Variants in KRT73 observed in about 807,000 individuals in gnomAD.
KRT73 encodes keratin, type II cytoskeletal 73.
In KRT73, 44 loss-of-function variants were observed where a neutral mutation model predicts 47.2. That is an observed-to-expected ratio of 0.93 (90% CI 0.73 to 1.20). KRT73 has a LOEUF of 1.20. Ranked by LOEUF, KRT73 falls within the 50% of genes most tolerant of loss-of-function variation. KRT73 has a pLI of 0.00. For synonymous variants in KRT73, 285 were observed against 291.3 expected (o/e 0.98, Z 0.22); for missense variants, 713 against 704.5 (o/e 1.01, Z -0.14).
Position 52,609,189 on chromosome 12 carries a change from C to T in KRT73, c.1366+58G>A, listed in dbSNP as rs7963082. 4,566 of 1,507,798 alleles carry T rather than the reference C, an allele frequency of 3.0e-3. 88 individuals carry two copies. In the African/African-American group the frequency reaches 0.053, roughly 18 times the overall value. The allele number at this position is 1,507,798 out of a possible 1,614,324, so 93.4% of individuals were successfully genotyped here. On this transcript the variant is annotated intron_variant, in intron 8 of 8. Coordinates refer to ENST00000305748, the MANE Select transcript of KRT73 (RefSeq NM_175068.3). ...CAGGGGGCTGGGCGGTGGACACCCA[C>T]CCACTTTGTGTTTGTTGATGGACTA...
chr12:52,614,958 A>G (rs1298483077), intron 3 of KRT73: 2 of 529,206 alleles, frequency 3.8e-6, no homozygotes, highest in Non-Finnish European at 6.7e-6. Flanking sequence ...GGAGGCAAGG[A>G]CAGCCACGGC....
At chr12:52,627,010 C>T in the KRT73 span, among the ~76,000 whole-genome samples, 28 of 152,346 alleles carry the variant, frequency 1.8e-4, no homozygotes, top group South Asian at 5.8e-3. Flanking sequence ...TTCTTATGCT[C>T]TTGTCAATCT....
the KRT73 span, among the ~76,000 whole-genome samples, chr12:52,627,528 C>T: frequency 7.9e-5 from 12 of 152,190 alleles, no homozygotes; most frequent in Admixed American, 7.9e-4. Flanking sequence ...ACTCCAAGTG[C>T]AGTGCTGGAC....
chr12:52,615,410 G>A lies in KRT73; in HGVS notation c.663-71C>T, dbSNP rs994415068. The A allele has an allele frequency of 4.0e-6, 5 of 1,234,588 alleles. No individual in the cohort carries two copies. The African/African-American group carries it at 7.4e-5, about 18-fold the overall frequency. 76.5% of individuals were successfully genotyped at this position (1,234,588 alleles called of 1,614,324 possible). A position where few individuals can be genotyped will look rare whatever the true frequency, so the allele number is the denominator to read the frequency against. Reference sequence around the variant, plus strand: ...TGTGTATACGTTCTCATAGTGAAATGAGAAAAGAGATACCCATATTATATG... The same window carrying A: ...TGTGTATACGTTCTCATAGTGAAATAAGAAAAGAGATACCCATATTATATG... On this transcript the variant is annotated intron_variant, in intron 2 of 8. Transcript: ENST00000305748.
the KRT73 span, among the ~76,000 whole-genome samples, chr12:52,626,403 T>G: frequency 6.6e-6 from 1 of 152,226 alleles, no homozygotes; most frequent in Non-Finnish European, 1.5e-5. Context: ...CCTGAGATTC[T>G]TATTGAAAAG....
chr12:52,609,245 A>T lies in KRT73; in HGVS notation c.1366+2T>A. 1 of 1,613,482 alleles carries T rather than the reference A, an allele frequency of 6.2e-7. No individual in the cohort carries two copies. Among genetic ancestry groups the T allele is most frequent in the Middle Eastern group, 1.7e-4 (1 of 6,058 alleles). Reference sequence around the variant, plus strand: ...ATTCCCTCAGAGTCATGAAATACTCACAAATGCTCACGGAGTTGGTATATT... The same window carrying T: ...ATTCCCTCAGAGTCATGAAATACTCTCAAATGCTCACGGAGTTGGTATATT... On this transcript the variant is annotated splice_donor_variant, in intron 8 of 8. Transcript: ENST00000305748. LOFTEE classifies it high-confidence loss of function.
intron 4 of KRT73, chr12:52,614,182 G>A (rs1940762687): frequency 8.8e-6 from 3 of 341,486 alleles, no homozygotes; most frequent in East Asian, 5.6e-5. Context: ...TGGCCAATAG[G>A]TTGAGGCTTG....
At chr12:52,622,424 C>G (rs979272643), upstream of KRT73, among the ~76,000 whole-genome samples, 2 of 152,164 alleles carry the variant, frequency 1.3e-5, no homozygotes, top group African/African-American at 4.8e-5. Flanking sequence ...ACCCCCTCTC[C>G]TCCCCATATA....
upstream of KRT73, among the ~76,000 whole-genome samples, chr12:52,623,110 C>T (rs141388851): frequency 4.8e-4 from 73 of 152,238 alleles, no homozygotes; most frequent in African/African-American, 1.6e-3. Flanking sequence ...TGGCAAAAGA[C>T]GTAAACCCAC....
upstream of KRT73, among the ~76,000 whole-genome samples, chr12:52,619,761 T>C (rs1940872456): frequency 2.6e-5 from 4 of 152,154 alleles, no homozygotes; most frequent in African/African-American, 9.7e-5. Context: ...CATGGATCCT[T>C]GACATTGCCA....
At chr12:52,616,531 C>T (rs951021235) in intron 1 of KRT73, 151 bp from the exon 2 acceptor site, 30 of 937,936 alleles carry the variant, frequency 3.2e-5, no homozygotes, top group Non-Finnish European at 4.7e-5. Flanking sequence ...CACACCCCCA[C>T]TCCTTACCTA....
At chr12:52,627,984 A>C in the KRT73 span, among the ~76,000 whole-genome samples, 2 of 152,172 alleles carry the variant, frequency 1.3e-5, no homozygotes, top group African/African-American at 2.4e-5. Flanking sequence ...TACTCAGGGA[A>C]GATCTTATTA....
chr12:52,611,145 G>T, intron 6 of KRT73, 59 bp downstream of exon 6: 2 of 1,598,172 alleles, frequency 1.3e-6, no homozygotes, highest in African/African-American at 1.3e-5. Flanking sequence ...GGGGCAGGGG[G>T]TGCTAAGCAG....
chr12:52,622,830 T>TA (rs1055492718), upstream of KRT73, among the ~76,000 whole-genome samples: 2 of 151,426 alleles, frequency 1.3e-5, no homozygotes, highest in Non-Finnish European at 2.9e-5. Flanking sequence ...ATAATCAAAA[T>TA]AAAAAACTCA....
the KRT73 span, among the ~76,000 whole-genome samples, chr12:52,630,448 T>A: frequency 3.3e-5 from 5 of 152,208 alleles, no homozygotes; most frequent in African/African-American, 1.2e-4. Context: ...CTTGCCCTTC[T>A]GCTCTGCCTC....
upstream of KRT73, among the ~76,000 whole-genome samples, chr12:52,621,470 C>T (rs1263936937): frequency 5.3e-5 from 8 of 152,080 alleles, no homozygotes; most frequent in African/African-American, 1.2e-4. Flanking sequence ...GACTCTGAAG[C>T]GTAGAGAAGA....
intron 1 of KRT73, among the ~76,000 whole-genome samples, chr12:52,617,852 C>A (rs544189332): frequency 5.3e-5 from 8 of 152,310 alleles, no homozygotes; most frequent in Admixed American, 1.3e-4. Context: ...AGACAGGGAG[C>A]ACCCCAAGGA....
the KRT73 span, among the ~76,000 whole-genome samples, chr12:52,625,367 C>T: frequency 1.3e-5 from 2 of 152,226 alleles, no homozygotes; most frequent in East Asian, 3.9e-4. Flanking sequence ...ATAGTTCATA[C>T]CGATGGCAAA....
chr12:52,622,055 A>G (rs541954892), upstream of KRT73, among the ~76,000 whole-genome samples: 1 of 152,268 alleles, frequency 6.6e-6, no homozygotes, highest in Non-Finnish European at 1.5e-5. Flanking sequence ...AGAATCTCAT[A>G]ATAGTACCAA....
Sources: gnomAD v4.1 joint callset for allele counts (sites outside exome capture counted in the v4.1 genomes callset) on GRCh38, gnomAD v4.1.1 for gene constraint, MANE v1.5 for transcripts, NCBI Gene and HGNC (gene_info 2026-07-23, HGNC 2026-07-21) for gene names.